Variants in RBPMS2 observed in about 807,000 individuals in gnomAD.
RBPMS2 encodes RNA binding protein, mRNA processing factor 2.
RBPMS2 carries 14 observed loss-of-function variants against 25.7 expected under a neutral mutation model. The observed-to-expected ratio is 0.55, with a 90% CI of 0.36 to 0.85. The LOEUF (loss-of-function observed/expected upper bound fraction) is 0.85, where lower values mean the gene tolerates loss of function less well. RBPMS2 is among the 40% of genes least tolerant of loss of function. The pLI is 0.01. For missense variants in RBPMS2, 252 were observed against 283.4 expected, an observed-to-expected ratio of 0.89 and a Z score of 0.80; for synonymous variants, 127 against 115.6, an observed-to-expected ratio of 1.10 and a Z score of -0.63.
At chr15:64,771,683 G>A (rs931277116) in intron 1 of RBPMS2, among the ~76,000 whole-genome samples, 4 of 151,392 alleles carry the variant, frequency 2.6e-5, no homozygotes, top group African/African-American at 9.7e-5. Context: ...AACAAGGCTG[G>A]GCGCCGTGGC....
chr15:64,761,386 T>C (rs1448680753), intron 1 of RBPMS2, among the ~76,000 whole-genome samples: 1 of 152,196 alleles, frequency 6.6e-6, no homozygotes, highest in Non-Finnish European at 1.5e-5. Context: ...AACCAGGGCC[T>C]AGGGGTCGAG....
intron 6 of RBPMS2, among the ~76,000 whole-genome samples, chr15:64,744,846 G>A (rs78565197): frequency 2.0e-5 from 2 of 102,216 alleles, no homozygotes; most frequent in Non-Finnish European, 3.4e-5. Flanking sequence ...ACAGAGTCTC[G>A]CTCTGTCACC....
intron 1 of RBPMS2, among the ~76,000 whole-genome samples, chr15:64,763,844 G>A (rs10851739): frequency 0.74 from 108,707 of 146,778 alleles, 44,019 homozygotes; most frequent in East Asian, 0.96. Flanking sequence ...GGGGAACTAA[G>A]CCAGGGTGAA....
At chr15:64,744,802 T>G (rs1595784474) in intron 6 of RBPMS2, among the ~76,000 whole-genome samples, 4 of 27,866 alleles carry the variant, frequency 1.4e-4, no homozygotes, top group East Asian at 8.5e-4. Context: ...TGTTTTGTTT[T>G]TTTTTTTTTT....
chr15:64,756,819 TTGG>T (rs761409703), intron 1 of RBPMS2, among the ~76,000 whole-genome samples: 125,286 of 145,182 alleles, frequency 0.86, 55,323 homozygotes, highest in East Asian at 0.96. Flanking sequence ...TTTTTTTTTT[TTGG>T]AGAGACAGGG....
intron 6 of RBPMS2, among the ~76,000 whole-genome samples, chr15:64,742,585 G>A (rs939054880): frequency 3.3e-5 from 5 of 152,194 alleles, no homozygotes; most frequent in Admixed American, 6.5e-5. Flanking sequence ...AGTTATGCAC[G>A]GTGAAGCATG....
intron 1 of RBPMS2, among the ~76,000 whole-genome samples, chr15:64,761,961 C>G (rs2083792776): frequency 6.6e-6 from 1 of 152,042 alleles, no homozygotes; most frequent in Admixed American, 6.6e-5. Context: ...CCATCCGCCT[C>G]AGCATCCCAA....
At chr15:64,764,103 G>A (rs2083818713) in intron 1 of RBPMS2, among the ~76,000 whole-genome samples, 1 of 152,210 alleles carries the variant, frequency 6.6e-6, no homozygotes, top group South Asian at 2.1e-4. Context: ...TCCAGACAGA[G>A]CCAGGGGCCA....
intron 5 of RBPMS2, 109 bp downstream of exon 5, chr15:64,748,891 G>T: frequency 7.9e-7 from 1 of 1,271,010 alleles, no homozygotes; most frequent in Non-Finnish European, 1.1e-6. Context: ...AAAATGGGTG[G>T]CCGTGGACAC....
intron 1 of RBPMS2, among the ~76,000 whole-genome samples, chr15:64,774,962 C>T (rs2083919483): frequency 6.6e-6 from 1 of 150,896 alleles, no homozygotes; most frequent in South Asian, 2.1e-4. Context: ...GCATCTCGCC[C>T]ACCGCGGGAC....
rs549252731 is a variant in RBPMS2, at chr15:64,739,998, G to A, written c.*1010C>T. The A allele has an allele frequency of 6.5e-6, 1 of 152,812 alleles. No individual in the cohort carries two copies. Among genetic ancestry groups the A allele is most frequent in the East Asian group, 1.9e-4 (1 of 5,196 alleles). The allele number at this position is 152,812 out of a possible 1,614,324, so 9.5% of individuals were successfully genotyped here. A position where few individuals can be genotyped will look rare whatever the true frequency, so the allele number is the denominator to read the frequency against. On this transcript the variant is annotated 3_prime_UTR_variant, in exon 8 of 8. Coordinates refer to ENST00000300069, the MANE Select transcript of RBPMS2 (RefSeq NM_194272.3). Reference sequence around the variant, plus strand: ...TCATCTCCCAAGTCTGAAATGGCCAGACGGTCACAGCTGCGGCTGACAGTA... The same window carrying A: ...TCATCTCCCAAGTCTGAAATGGCCAAACGGTCACAGCTGCGGCTGACAGTA...
chr15:64,751,528 C>G, intron 2 of RBPMS2, 33 bp downstream of exon 2: 1 of 1,594,982 alleles, frequency 6.3e-7, no homozygotes. Context: ...GGGTCCCAGG[C>G]TCTACCCAGG....
intron 1 of RBPMS2, among the ~76,000 whole-genome samples, chr15:64,768,919 T>C (rs990513151): frequency 5.3e-5 from 8 of 150,920 alleles, no homozygotes; most frequent in Admixed American, 4.0e-4. Flanking sequence ...GCTAACACGA[T>C]GAAACCCCGT....
At chr15:64,774,732 A>AGCCGGCCGGCCGCCCG (rs146916271) in intron 1 of RBPMS2, among the ~76,000 whole-genome samples, 3 of 147,120 alleles carry the variant, frequency 2.0e-5, no homozygotes, top group Non-Finnish European at 4.5e-5. Context: ...GGAACCGAGG[A>AGCCGGCCGGCCGCCCG]GCCGGCCGGC....
At chr15:64,759,284 T>C (rs2083760447) in intron 1 of RBPMS2, among the ~76,000 whole-genome samples, 2 of 152,160 alleles carry the variant, frequency 1.3e-5, no homozygotes, top group Admixed American at 6.6e-5. Flanking sequence ...CTAGTACGAA[T>C]AGATCTAGGA....
chr15:64,751,569 GCC>G lies in RBPMS2; in HGVS notation c.155_156del (p.Arg52ProfsTer6). 1 of 1,613,774 alleles carries G rather than the reference GCC, an allele frequency of 6.2e-7. No individual in the cohort carries two copies. Among genetic ancestry groups the G allele is most frequent in the African/African-American group, 1.3e-5 (1 of 75,018 alleles). On this transcript the variant is annotated frameshift_variant, in exon 2 of 8. Transcript: ENST00000300069. LOFTEE classifies it high-confidence loss of function. The stretch of plus-strand genomic sequence containing the variant: ...GCTGGGTCCTGACTCACCTTGAACG[GCC>G]GGAAGAGCAAGTAGAGTTCTCTGGG... Reference protein sequence around the residue: ...IKPRELYLLFRPFKGYEGSLI... With the variant: ...IKPRELYLLFXPFKGYEGSLI...
chr15:64,758,326 A>G (rs1023260074), intron 1 of RBPMS2, among the ~76,000 whole-genome samples: 3 of 152,226 alleles, frequency 2.0e-5, no homozygotes, highest in Middle Eastern at 3.2e-3. Context: ...GGCAAGTAAG[A>G]GCAGAAATGC....
intron 5 of RBPMS2, among the ~76,000 whole-genome samples, 171 bp downstream of exon 5, chr15:64,748,829 G>A (rs1341261286): frequency 6.6e-6 from 1 of 152,210 alleles, no homozygotes; most frequent in Non-Finnish European, 1.5e-5. Context: ...AGCCCTGGCA[G>A]CTCAGAAATT....
chr15:64,741,524 G>A (rs929292597), intron 6 of RBPMS2, among the ~76,000 whole-genome samples: 29 of 152,198 alleles, frequency 1.9e-4, no homozygotes, highest in African/African-American at 7.0e-4. Flanking sequence ...CCACTATACT[G>A]GTGGGAGCCC....
Sources: allele counts gnomAD v4.1 joint callset (sites outside exome capture counted in the v4.1 genomes callset), GRCh38; gene constraint gnomAD v4.1.1; transcripts MANE v1.5; gene names NCBI Gene and HGNC (gene_info 2026-07-23, HGNC 2026-07-21).